Variants in XDH observed in about 807,000 individuals in gnomAD.
The protein encoded by XDH is xanthine dehydrogenase/oxidase.
In XDH, 138 loss-of-function variants were observed where a neutral mutation model predicts 156.1. The observed-to-expected ratio is 0.88, with a 90% confidence interval of 0.77 to 1.02. XDH has a LOEUF of 1.02. XDH is among the 50% of genes least tolerant of loss of function. The pLI is 0.00. For missense variants in XDH, 1,849 were observed against 1,684.9 expected, an observed-to-expected ratio of 1.10 and a Z score of -1.71; for synonymous variants, 669 against 625.7, an observed-to-expected ratio of 1.07 and a Z score of -1.03.
At chr2:31,408,638 T>C (rs1687257437) in intron 1 of XDH, among the ~76,000 whole-genome samples, 1 of 152,300 alleles carries the variant, frequency 6.6e-6, no homozygotes, top group South Asian at 2.1e-4. Flanking sequence ...ATCTAATAAA[T>C]ATGATTGGCC....
chr2:31,349,752 C>T lies in XDH; in HGVS notation c.2903G>A (p.Cys968Tyr). The T allele has an allele frequency of 6.2e-7, 1 of 1,614,210 alleles. No homozygotes were observed. The highest frequency in any genetic ancestry group is 1.7e-5 in the Admixed American group (1 of 60,026). Reference protein sequence around the residue: ...QKLEGFTLPRCWEECLASSQY... With the variant: ...QKLEGFTLPRYWEECLASSQY... ...AGAGCTTGCTAGGCATTCTTCCCAG[C>T]ATCTGGGCAAGGTGAAACCCTCAAG... The change falls in exon 26 of 36, where the codon TGC becomes TAC. Residue 968 changes from cysteine (C) to tyrosine (Y), a missense_variant. Cys to Tyr is a radical substitution (Grantham distance 194). Coordinates refer to ENST00000379416, the MANE Select transcript of XDH (RefSeq NM_000379.4).
Position 31,367,010 on chromosome 2 carries a change from G to A in XDH, c.2198-16C>T, listed in dbSNP as rs1685933198. On this transcript the variant is annotated splice_polypyrimidine_tract_variant and intron_variant, in intron 20 of 35. Coordinates refer to ENST00000379416, the MANE Select transcript of XDH (RefSeq NM_000379.4). ...TATATCTCCCCTGGGGAAGCAGTGA[G>A]ATCCCTCACAGTGAGCCCAATGCTG... is the stretch of plus-strand genomic sequence containing the variant. The A allele has an allele frequency of 1.2e-6, 2 of 1,614,038 alleles. No homozygotes were observed.
chr2:31,389,131 A>G (rs1686693125), intron 6 of XDH, among the ~76,000 whole-genome samples: 1 of 152,220 alleles, frequency 6.6e-6, no homozygotes, highest in African/African-American at 2.4e-5. Context: ...AGGCACTTTT[A>G]TCGGGTAGTC....
intron 9 of XDH, among the ~76,000 whole-genome samples, chr2:31,385,665 G>A (rs984084298): frequency 6.6e-6 from 1 of 152,210 alleles, no homozygotes; most frequent in South Asian, 2.1e-4. Flanking sequence ...CAGGGACCTG[G>A]GAACCTCTCC....
chr2:31,389,088 GA>G (rs1686691932), intron 6 of XDH, among the ~76,000 whole-genome samples: 1 of 152,198 alleles, frequency 6.6e-6, no homozygotes, highest in African/African-American at 2.4e-5. Context: ...GTGCTGAGAT[GA>G]AAAAGTAGGG....
At chr2:31,406,075 T>G in intron 1 of XDH, 111 bp from the exon 2 acceptor site, 1 of 1,252,342 alleles carries the variant, frequency 8.0e-7, no homozygotes, top group Admixed American at 1.8e-5. Context: ...TAGTAGGAAG[T>G]GTGATATAGT....
intron 33 of XDH, 41 bp from the exon 34 acceptor site, chr2:31,339,718 T>C (rs1489056983): frequency 3.7e-6 from 6 of 1,608,150 alleles, no homozygotes; most frequent in Non-Finnish European, 5.1e-6. Flanking sequence ...TGCCACCTTC[T>C]TCCCTGAGGA....
intron 8 of XDH, among the ~76,000 whole-genome samples, 169 bp downstream of exon 8, chr2:31,387,642 A>G (rs1368744632): frequency 6.6e-6 from 1 of 152,200 alleles, no homozygotes; most frequent in Non-Finnish European, 1.5e-5. Context: ...CTGTGGGTAC[A>G]CATAGCAGAG....
At position 31,372,358 on chromosome 2, in the gene XDH, G is replaced by A. The variant is rs139772558; in HGVS notation, c.1726C>T (p.Arg576Trp). 2.9e-4 allele frequency: 476 copies of A among 1,614,094 alleles called. 2 individuals are homozygous for A. The African/African-American group carries it at 5.1e-3, about 17-fold the overall frequency. The change falls in exon 17 of 36, where the codon CGG becomes TGG. Residue 576 changes from arginine (R) to tryptophan (W), a missense_variant. Coordinates refer to ENST00000379416, the MANE Select transcript of XDH (RefSeq NM_000379.4). ...TCCGCTGCCAGGTGGGGCAGGGGCC[G>A]GCCCACCATGTCCTCCTCAGACTGA... ...KGQSEEDMVG[R>W]PLPHLAADMQ... is the part of the protein sequence containing the mutation.
intron 4 of XDH, 21 bp from the exon 5 acceptor site, chr2:31,398,720 A>G: frequency 6.2e-7 from 1 of 1,613,020 alleles, no homozygotes; most frequent in East Asian, 2.2e-5. Context: ...CAGATGACAT[A>G]GACACCTGGG....
At chr2:31,375,023 C>CTTTTTTTTTTTTTTTTTT (rs60340656) in intron 15 of XDH, among the ~76,000 whole-genome samples, 1 of 92,350 alleles carries the variant, frequency 1.1e-5, no homozygotes. Flanking sequence ...TTCTTTCTTT[C>CTTTTTTTTTTTTTTTTTT]TTTTTTTTTT....
At chr2:31,384,504 G>A in intron 9 of XDH, 1 of 155,556 alleles carries the variant, frequency 6.4e-6, no homozygotes, top group South Asian at 2.0e-4. Flanking sequence ...GGCTTTGCGG[G>A]GCCACACATC....
chr2:31,360,455 T>C (rs1376713373), intron 24 of XDH, among the ~76,000 whole-genome samples: 1 of 152,084 alleles, frequency 6.6e-6, no homozygotes, highest in Admixed American at 6.5e-5. Flanking sequence ...GAGCCAAGAC[T>C]GCACCACTGC....
In XDH at chr2:31,335,350, A is replaced by T. The variant is rs766283540; in HGVS notation, c.*608T>A. On this transcript the variant is annotated 3_prime_UTR_variant, in exon 36 of 36. Coordinates refer to ENST00000379416, the MANE Select transcript of XDH (RefSeq NM_000379.4). The stretch of plus-strand genomic sequence containing the variant: ...TGAGTTGGTTGGATTTTTGTATTAT[A>T]GAGTAATCTTGCTTTATGCAGCTTC... 3 of 158,792 alleles carry T rather than the reference A, an allele frequency of 1.9e-5. No homozygotes were observed. Among genetic ancestry groups the T allele is most frequent in the Non-Finnish European group, 4.2e-5 (3 of 71,554 alleles). 9.8% of individuals were successfully genotyped at this position (158,792 alleles called of 1,614,324 possible).
chr2:31,390,471 A>G (rs1686732290), intron 6 of XDH, among the ~76,000 whole-genome samples: 1 of 152,242 alleles, frequency 6.6e-6, no homozygotes, highest in Admixed American at 6.5e-5. Flanking sequence ...TGTTGTAAGC[A>G]TGCCTGTGCA....
intron 3 of XDH, 135 bp from the exon 4 acceptor site, chr2:31,401,463 T>C: frequency 1.1e-6 from 1 of 946,786 alleles, no homozygotes; most frequent in Middle Eastern, 2.1e-4. Flanking sequence ...TTGTCTCTTC[T>C]ACCAGTGTCC....
At chr2:31,410,034 T>C (rs942359015) in intron 1 of XDH, among the ~76,000 whole-genome samples, 1 of 152,228 alleles carries the variant, frequency 6.6e-6, no homozygotes, top group Non-Finnish European at 1.5e-5. Context: ...GATACATCCA[T>C]ACAATGGAAT....
chr2:31,386,231 C>T (rs547220574), intron 9 of XDH, among the ~76,000 whole-genome samples, 183 bp downstream of exon 9: 120 of 152,342 alleles, frequency 7.9e-4, no homozygotes, highest in African/African-American at 2.8e-3. Context: ...TGGGACTCCA[C>T]AGCTAGGGGC....
At chr2:31,346,579 A>AG (rs1258869235) in intron 30 of XDH, among the ~76,000 whole-genome samples, 190 bp downstream of exon 30, 1 of 152,168 alleles carries the variant, frequency 6.6e-6, no homozygotes, top group Non-Finnish European at 1.5e-5. Flanking sequence ...CAATGATGAA[A>AG]GCTATAGAGA....
Sources: allele counts gnomAD v4.1 joint callset (sites outside exome capture counted in the v4.1 genomes callset), GRCh38; gene constraint gnomAD v4.1.1; transcripts MANE v1.5; gene names NCBI Gene and HGNC (gene_info 2026-07-23, HGNC 2026-07-21).